Variants in ZNF385D observed in about 807,000 individuals in gnomAD.
The protein encoded by ZNF385D is zinc finger protein 659.
In ZNF385D, 15 loss-of-function variants were observed where a neutral mutation model predicts 35.8. That is an observed-to-expected ratio of 0.42 (90% CI 0.28 to 0.64). The LOEUF is 0.64. Among genes scored for constraint, ZNF385D ranks in the 30% least tolerant of loss-of-function variants. The pLI, the probability that ZNF385D is intolerant of heterozygous loss-of-function variation, is 0.23. For synonymous variants in ZNF385D, 212 were observed against 186.8 expected, an observed-to-expected ratio of 1.13 and a Z score of -1.10; for missense variants, 474 against 494.6, an observed-to-expected ratio of 0.96 and a Z score of 0.39.
chr3:21,564,152 CT>C (rs1017242999), intron 3 of ZNF385D, among the ~76,000 whole-genome samples: 3 of 152,032 alleles, frequency 2.0e-5, no homozygotes, highest in African/African-American at 7.2e-5. Context: ...AATTTGAGGC[CT>C]CCATTCCAGG....
intron 3 of ZNF385D, among the ~76,000 whole-genome samples, chr3:21,955,884 G>C (rs963147710): frequency 2.0e-5 from 3 of 152,014 alleles, no homozygotes; most frequent in African/African-American, 7.2e-5. Context: ...TTCACAAGTA[G>C]GTAAGAACCT....
At chr3:21,428,366 G>C (rs987828775) in intron 5 of ZNF385D, among the ~76,000 whole-genome samples, 1 of 152,012 alleles carries the variant, frequency 6.6e-6, no homozygotes, top group Non-Finnish European at 1.5e-5. Context: ...TAAGTTACTA[G>C]CTCGTGGTCA....
At chr3:21,597,033 A>G (rs946515272) in intron 2 of ZNF385D, among the ~76,000 whole-genome samples, 1 of 152,198 alleles carries the variant, frequency 6.6e-6, no homozygotes, top group African/African-American at 2.4e-5. Flanking sequence ...GAAATTATTT[A>G]AAAAGGTATT....
intron 2 of ZNF385D, among the ~76,000 whole-genome samples, chr3:21,582,655 G>T (rs1204704290): frequency 6.6e-6 from 1 of 152,192 alleles, no homozygotes; most frequent in African/African-American, 2.4e-5. Flanking sequence ...AAACCTTAAA[G>T]ATTAAGTCCA....
Position 22,030,295 on chromosome 3 carries a change from A to C in ZNF385D, c.325+138522T>G, listed in dbSNP as rs190600466. Among the ~76,000 whole-genome samples, 39 of 110,772 alleles carry C rather than the reference A, an allele frequency of 3.5e-4. 3 individuals are homozygous for C. In the Admixed American group the frequency reaches 3.5e-3, roughly 10 times the overall value. The allele number at this position is 110,772 out of a possible 152,430, so 72.7% of individuals were successfully genotyped here. A position where few individuals can be genotyped will look rare whatever the true frequency, so the allele number is the denominator to read the frequency against. ...TATATATATATATATATATATATATATATATATCCTATTTGGTCCATCCCT... is the reference window on the plus strand; with the variant it reads ...TATATATATATATATATATATATATCTATATATCCTATTTGGTCCATCCCT... On this transcript the variant is annotated intron_variant, in intron 3 of 5. Transcript: ENST00000494108.
intron 3 of ZNF385D, among the ~76,000 whole-genome samples, chr3:22,080,530 A>G (rs185327309): frequency 6.6e-6 from 1 of 152,134 alleles, no homozygotes; most frequent in East Asian, 1.9e-4. Context: ...TATAACAGTT[A>G]TTAACTTTAT....
intron 3 of ZNF385D, among the ~76,000 whole-genome samples, chr3:21,940,693 A>C (rs1701475418): frequency 1.3e-5 from 2 of 152,206 alleles, no homozygotes; most frequent in African/African-American, 4.8e-5. Flanking sequence ...TGAAAAAATA[A>C]AAAGTATAAG....
chr3:21,781,298 T>C (rs137947559), intron 3 of ZNF385D, among the ~76,000 whole-genome samples: 6 of 152,214 alleles, frequency 3.9e-5, no homozygotes, highest in African/African-American at 1.4e-4. Flanking sequence ...GAGTAAGCGG[T>C]AGCAATCTAA....
chr3:21,520,120 A>C (rs1575096368), intron 3 of ZNF385D, among the ~76,000 whole-genome samples: 1 of 152,296 alleles, frequency 6.6e-6, no homozygotes, highest in East Asian at 1.9e-4. Flanking sequence ...CGTTACAAGA[A>C]GAATCATTTT....
At chr3:21,436,211 G>A (rs531074520) in intron 5 of ZNF385D, among the ~76,000 whole-genome samples, 9 of 152,130 alleles carry the variant, frequency 5.9e-5, no homozygotes, top group African/African-American at 2.2e-4. Flanking sequence ...ATACAGAGCA[G>A]CAAGATGGAA....
chr3:21,862,184 G>A (rs956186203), intron 3 of ZNF385D, among the ~76,000 whole-genome samples: 4 of 151,938 alleles, frequency 2.6e-5, no homozygotes, highest in South Asian at 2.1e-4. Flanking sequence ...ATAAGATATT[G>A]TAGAATACCT....
chr3:21,868,945 A>G (rs1697536499), intron 3 of ZNF385D, among the ~76,000 whole-genome samples: 1 of 152,164 alleles, frequency 6.6e-6, no homozygotes, highest in South Asian at 2.1e-4. Context: ...GCTCTCTCAT[A>G]TTCTACAGAT....
chr3:22,100,713 T>G (rs1182277173), intron 3 of ZNF385D, among the ~76,000 whole-genome samples: 1 of 148,438 alleles, frequency 6.7e-6, no homozygotes, highest in Non-Finnish European at 1.5e-5. Context: ...AGGATAGCAA[T>G]GGGAGATATA....
At chr3:22,198,021 G>A (rs1696534866) in intron 2 of ZNF385D, among the ~76,000 whole-genome samples, 1 of 151,938 alleles carries the variant, frequency 6.6e-6, no homozygotes. Flanking sequence ...ATATATCTGT[G>A]TATTGCTTTT....
chr3:22,057,630 C>G (rs887895382), intron 3 of ZNF385D, among the ~76,000 whole-genome samples: 2 of 151,906 alleles, frequency 1.3e-5, no homozygotes, highest in East Asian at 3.9e-4. Context: ...TTGTCTCAAC[C>G]TCCCGAGTAG....
At chr3:21,983,870 G>A (rs1694653226) in intron 3 of ZNF385D, among the ~76,000 whole-genome samples, 1 of 121,826 alleles carries the variant, frequency 8.2e-6, no homozygotes, top group Non-Finnish European at 1.6e-5. Context: ...ACTGGTGTGA[G>A]ATGATATCTC....
At chr3:21,429,205 A>T (rs1396322667) in intron 5 of ZNF385D, among the ~76,000 whole-genome samples, 1 of 151,990 alleles carries the variant, frequency 6.6e-6, no homozygotes. Context: ...AATTTAAAAA[A>T]AATTTTAAGG....
chr3:21,521,351 T>C (rs997352132), intron 3 of ZNF385D, among the ~76,000 whole-genome samples: 4 of 152,242 alleles, frequency 2.6e-5, no homozygotes, highest in Non-Finnish European at 5.9e-5. Context: ...TGTTCATTCA[T>C]TCACAAAGAA....
At chr3:21,467,908 G>A (rs1210467390) in intron 4 of ZNF385D, among the ~76,000 whole-genome samples, 1 of 151,938 alleles carries the variant, frequency 6.6e-6, no homozygotes, top group Non-Finnish European at 1.5e-5. Flanking sequence ...CACACACTAG[G>A]GAGGCTAAAA....
Sources: gnomAD v4.1 joint callset for allele counts (sites outside exome capture counted in the v4.1 genomes callset) on GRCh38, gnomAD v4.1.1 for gene constraint, MANE v1.5 for transcripts, NCBI Gene and HGNC (gene_info 2026-07-23, HGNC 2026-07-21) for gene names.